PRKG1: variants seen among roughly 807,000 people sequenced by gnomAD.
PRKG1 encodes the protein cGMP-dependent protein kinase 1.
A neutral mutation model predicts 88.1 loss-of-function variants in PRKG1; 35 were observed. The ratio of observed to expected loss-of-function variants is 0.40; its 90% CI spans 0.30 to 0.53. PRKG1 has a LOEUF of 0.53. Among genes scored for constraint, PRKG1 ranks in the 20% least tolerant of loss-of-function variants. PRKG1 has a pLI of 0.59. For synonymous variants in PRKG1, 303 were observed against 292.5 expected (o/e 1.04, Z -0.37); for missense variants, 540 against 839.8 (o/e 0.64, Z 4.41).
chr10:51,298,907 C>G (rs1436692496), intron 2 of PRKG1, among the ~76,000 whole-genome samples: 1 of 152,086 alleles, frequency 6.6e-6, no homozygotes, highest in Non-Finnish European at 1.5e-5. Flanking sequence ...GATCTGTATG[C>G]AAAGATCATA....
At chr10:52,098,069 A>T (rs919277821) in intron 7 of PRKG1, among the ~76,000 whole-genome samples, 1 of 152,180 alleles carries the variant, frequency 6.6e-6, no homozygotes, top group Non-Finnish European at 1.5e-5. Context: ...GTTGAGAAAA[A>T]GTTCCATGCA....
chr10:51,883,139 CT>C (rs1841478835), intron 4 of PRKG1, among the ~76,000 whole-genome samples: 1 of 152,208 alleles, frequency 6.6e-6, no homozygotes, highest in Non-Finnish European at 1.5e-5. Context: ...GGACATTCAT[CT>C]TCTGTCTTCA....
chr10:51,091,567 G>A (rs1844398567), intron 1 of PRKG1, among the ~76,000 whole-genome samples: 1 of 152,126 alleles, frequency 6.6e-6, no homozygotes, highest in Non-Finnish European at 1.5e-5. Flanking sequence ...TGGACCCAGG[G>A]CATTTGTTGT....
intron 16 of PRKG1, among the ~76,000 whole-genome samples, chr10:52,289,579 G>A (rs1842194565): frequency 6.6e-6 from 1 of 152,102 alleles, no homozygotes; most frequent in African/African-American, 2.4e-5. Context: ...AAATATCTCT[G>A]AATATCTGAA....
chr10:51,012,927 A>G (rs945277317), intron 1 of PRKG1, among the ~76,000 whole-genome samples: 1 of 152,226 alleles, frequency 6.6e-6, no homozygotes, highest in Non-Finnish European at 1.5e-5. Flanking sequence ...ACATTGGGAA[A>G]TCACTTTAGA....
At chr10:51,468,009 C>T in intron 3 of PRKG1, 173 bp downstream of exon 3, 1 of 583,984 alleles carries the variant, frequency 1.7e-6, no homozygotes. Flanking sequence ...TGATTGTTAA[C>T]AATCAGTTTT....
chr10:52,235,419 C>T (rs1290472588), intron 9 of PRKG1, among the ~76,000 whole-genome samples: 1 of 137,214 alleles, frequency 7.3e-6, no homozygotes, highest in Admixed American at 7.5e-5. Flanking sequence ...TTCAGGAAAC[C>T]CATCTCACGT....
At chr10:51,861,729 A>C (rs1340970268) in intron 4 of PRKG1, among the ~76,000 whole-genome samples, 2 of 152,248 alleles carry the variant, frequency 1.3e-5, no homozygotes, top group African/African-American at 4.8e-5. Flanking sequence ...GATTTTGAAT[A>C]ACAAATCATG....
intron 2 of PRKG1, among the ~76,000 whole-genome samples, chr10:51,321,477 A>T (rs1588836126): frequency 6.6e-6 from 1 of 152,140 alleles, no homozygotes; most frequent in East Asian, 1.9e-4. Flanking sequence ...TATGCAGTAT[A>T]AATGCTAGCC....
At position 52,037,879 on chromosome 10, in the gene PRKG1, C is replaced by T. The variant is rs557570928; in HGVS notation, c.763-16605C>T. On this transcript the variant is annotated intron_variant, in intron 5 of 17. Coordinates refer to ENST00000373980, the MANE Select transcript of PRKG1 (RefSeq NM_006258.4). ...GAAAAGGAAGATTAGAAAGACTCAG[C>T]GATGCTTGGGGTTGGTACTGAGGGG... Among the ~76,000 whole-genome samples the T allele has an allele frequency of 6.0e-3, 908 of 151,436 alleles. 5 individuals are homozygous for T. Among genetic ancestry groups the T allele is most frequent in the African/African-American group, 0.021 (860 of 41,270 alleles).
chr10:51,301,128 C>A (rs1266546696), intron 2 of PRKG1, among the ~76,000 whole-genome samples: 1 of 152,134 alleles, frequency 6.6e-6, no homozygotes, highest in Non-Finnish European at 1.5e-5. Flanking sequence ...AGTCCAGCAA[C>A]AGATTAGTGA....
intron 12 of PRKG1, among the ~76,000 whole-genome samples, chr10:52,279,877 A>AT (rs1452935346): frequency 1.3e-5 from 2 of 152,152 alleles, no homozygotes; most frequent in Non-Finnish European, 2.9e-5. Flanking sequence ...AGAAAAAAAA[A>AT]GTACATGGTT....
intron 5 of PRKG1, chr10:51,909,081 A>G (rs1842157398): frequency 6.6e-6 from 1 of 152,268 alleles, no homozygotes; most frequent in Middle Eastern, 3.4e-3. Context: ...CATTGCAGTA[A>G]ACTTGTAAAA....
chr10:51,832,973 A>C (rs1014783777), intron 4 of PRKG1, among the ~76,000 whole-genome samples: 2 of 152,180 alleles, frequency 1.3e-5, no homozygotes, highest in African/African-American at 2.4e-5. Context: ...TGCCTGGTTA[A>C]TGTCGATTAC....
At chr10:51,518,585 A>T (rs1156496099) in intron 3 of PRKG1, among the ~76,000 whole-genome samples, 1 of 152,208 alleles carries the variant, frequency 6.6e-6, no homozygotes, top group Non-Finnish European at 1.5e-5. Context: ...TATAGAGCTG[A>T]GAATCCGGGA....
intron 2 of PRKG1, among the ~76,000 whole-genome samples, chr10:51,435,529 A>G (rs903801372): frequency 6.6e-6 from 1 of 151,220 alleles, no homozygotes; most frequent in African/African-American, 2.4e-5. Flanking sequence ...TTCTTGCCCC[A>G]TGGACTTTAT....
chr10:52,100,114 T>G (rs1847261633), intron 7 of PRKG1, among the ~76,000 whole-genome samples: 1 of 152,022 alleles, frequency 6.6e-6, no homozygotes, highest in Non-Finnish European at 1.5e-5. Context: ...ATGAATTCAG[T>G]GAGGGGTAGG....
rs193072782 is a variant in PRKG1 at position 52,012,102 on chromosome 10, G to A, written c.763-42382G>A. On this transcript the variant is annotated intron_variant, in intron 5 of 17. Coordinates refer to ENST00000373980, the MANE Select transcript of PRKG1 (RefSeq NM_006258.4). ...ATACACCTCTCTTTCACTCTTCACT[G>A]TGCTCCCCATTTTATGAAATTCCAC... 1.3e-3 allele frequency among the ~76,000 whole-genome samples: 203 copies of A among 152,176 alleles called. 1 individual carries two copies. Among genetic ancestry groups the A allele is most frequent in the Middle Eastern group, 0.01 (3 of 294 alleles).
chr10:52,062,751 G>A, intron 7 of PRKG1, 120 bp downstream of exon 7: 1 of 757,640 alleles, frequency 1.3e-6, no homozygotes, highest in Non-Finnish European at 2.4e-6. Context: ...ATCAAATATG[G>A]ACCCTTGATG....
Sources: gnomAD v4.1 joint callset for allele counts (sites outside exome capture counted in the v4.1 genomes callset) on GRCh38, gnomAD v4.1.1 for gene constraint, MANE v1.5 for transcripts, NCBI Gene and HGNC (gene_info 2026-07-23, HGNC 2026-07-21) for gene names.